Variants in PTDSS1 observed in about 807,000 individuals in gnomAD.
The protein encoded by PTDSS1 is PSS-1.
In PTDSS1, 45 loss-of-function variants were observed where a neutral mutation model predicts 70.5. That is an observed-to-expected ratio of 0.64 (90% CI 0.50 to 0.82). The LOEUF (loss-of-function observed/expected upper bound fraction) is 0.82. Ranked by LOEUF, PTDSS1 falls within the 40% of genes least tolerant of loss-of-function variation. The probability of loss-of-function intolerance (pLI) is 0.00; values close to 1 mark genes in which losing one functional copy is unlikely to be tolerated. For missense variants in PTDSS1, 417 were observed against 586.1 expected, an observed-to-expected ratio of 0.71 and a Z score of 2.98; for synonymous variants, 188 against 203.8, an observed-to-expected ratio of 0.92 and a Z score of 0.66.
intron 9 of PTDSS1, among the ~76,000 whole-genome samples, chr8:96,310,982 T>C (rs1811204042): frequency 6.6e-6 from 1 of 152,118 alleles, no homozygotes; most frequent in South Asian, 2.1e-4. Context: ...GCCAGGATGG[T>C]CTCGATTTCT....
chr8:96,291,042 C>A (rs1386677336), intron 4 of PTDSS1, among the ~76,000 whole-genome samples: 2 of 151,516 alleles, frequency 1.3e-5, no homozygotes, highest in Non-Finnish European at 2.9e-5. Context: ...TGATTCTATT[C>A]AAAAATATGT....
intron 6 of PTDSS1, 48 bp from the exon 7 acceptor site, chr8:96,303,992 C>T: frequency 3.2e-6 from 5 of 1,544,378 alleles, no homozygotes; most frequent in Admixed American, 4.1e-5. Context: ...CTTTGTTTTC[C>T]CCCTGCCTTA....
At chr8:96,295,397 A>T (rs1184276367) in intron 5 of PTDSS1, 141 bp downstream of exon 5, 4 of 896,142 alleles carry the variant, frequency 4.5e-6, no homozygotes, top group Non-Finnish European at 6.0e-6. Context: ...ATCCCATAAG[A>T]ATATTTAATA....
At chr8:96,326,335 C>A (rs932405679) in intron 10 of PTDSS1, among the ~76,000 whole-genome samples, 1 of 152,100 alleles carries the variant, frequency 6.6e-6, no homozygotes, top group Non-Finnish European at 1.5e-5. Context: ...TTGTACGTAA[C>A]TCTCAGTTCT....
intron 1 of PTDSS1, among the ~76,000 whole-genome samples, chr8:96,268,770 G>A (rs542577111): frequency 6.6e-6 from 1 of 152,196 alleles, no homozygotes; most frequent in South Asian, 2.1e-4. Flanking sequence ...AAACTTGATT[G>A]GGATTTTAGA....
chr8:96,278,272 GT>G (rs768796103), intron 2 of PTDSS1, among the ~76,000 whole-genome samples: 3 of 152,224 alleles, frequency 2.0e-5, no homozygotes, highest in Non-Finnish European at 2.9e-5. Context: ...GTTTAGAGGA[GT>G]AGGTGTTCAA....
intron 10 of PTDSS1, among the ~76,000 whole-genome samples, chr8:96,328,016 G>A (rs1294706969): frequency 1.3e-5 from 2 of 152,164 alleles, no homozygotes; most frequent in Non-Finnish European, 2.9e-5. Flanking sequence ...AGTAGATTTG[G>A]CAATCACAAC....
chr8:96,262,270 C>A lies in PTDSS1; in HGVS notation c.179+51C>A, dbSNP rs757216635. 5.0e-5 allele frequency: 14 copies of A among 280,062 alleles called. No homozygotes were observed. The highest frequency in any genetic ancestry group is 7.7e-5 in the South Asian group (2 of 26,136). 17.3% of individuals were successfully genotyped at this position (280,062 alleles called of 1,614,324 possible). On this transcript the variant is annotated intron_variant, in intron 1 of 12. Coordinates refer to ENST00000517309, the MANE Select transcript of PTDSS1 (RefSeq NM_014754.3). The surrounding 1 kb of genome is among the most constrained non-coding windows in gnomAD (Gnocchi z 4.4). ...GCGCGTCCAAGGGCTAGGGAAGAGG[C>A]GGGAGGGAGGGTGGCGGGGAGGGGG...
Position 96,262,259 on chromosome 8 carries a change from TA to T in PTDSS1, c.179+41del. The T allele has an allele frequency of 6.6e-7, 1 of 1,507,600 alleles. No individual in the cohort carries two copies. Among genetic ancestry groups the T allele is most frequent in the Non-Finnish European group, 9.0e-7 (1 of 1,110,674 alleles). The allele number at this position is 1,507,600 out of a possible 1,614,324, so 93.4% of individuals were successfully genotyped here. On this transcript the variant is annotated intron_variant, in intron 1 of 12. Coordinates refer to ENST00000517309, the MANE Select transcript of PTDSS1 (RefSeq NM_014754.3). This position sits in a 1 kb window ranked among gnomAD's most constrained non-coding sequence, Gnocchi z 4.4. The stretch of plus-strand genomic sequence containing the variant: ...CCGAGCGGGGGGCGCGTCCAAGGGC[TA>T]GGGAAGAGGCGGGAGGGAGGGTGGC...
Position 96,333,759 on chromosome 8 carries a change from G to C in PTDSS1, c.*193G>C. 1 of 715,728 alleles carries C rather than the reference G, an allele frequency of 1.4e-6. No homozygotes were observed. The highest frequency in any genetic ancestry group is 2.0e-5 in the Admixed American group (1 of 49,702). 44.3% of individuals were successfully genotyped at this position (715,728 alleles called of 1,614,324 possible). ...GGCCGCGTCAGGCAGATCATCGCCT[G>C]GGGGGCCTTTGCCAACGTGGGGTCT... On this transcript the variant is annotated 3_prime_UTR_variant, in exon 13 of 13. Coordinates refer to ENST00000517309, the MANE Select transcript of PTDSS1 (RefSeq NM_014754.3).
intron 10 of PTDSS1, among the ~76,000 whole-genome samples, chr8:96,324,089 G>A (rs1176967088): frequency 6.6e-6 from 1 of 152,162 alleles, no homozygotes; most frequent in Non-Finnish European, 1.5e-5. Flanking sequence ...TTGCTACTGT[G>A]TGACAAGGAT....
chr8:96,268,496 G>A (rs2129991660), intron 1 of PTDSS1, among the ~76,000 whole-genome samples: 1 of 152,262 alleles, frequency 6.6e-6, no homozygotes, highest in African/African-American at 2.4e-5. Context: ...AGAAAGACTT[G>A]TCTAAAAGAT....
chr8:96,331,574 CAAA>C (rs1286667823), intron 12 of PTDSS1, among the ~76,000 whole-genome samples: 1 of 122,742 alleles, frequency 8.1e-6, no homozygotes. Flanking sequence ...GACTCTGTCT[CAAA>C]AAAAAAAAAA....
intron 3 of PTDSS1, among the ~76,000 whole-genome samples, chr8:96,286,521 G>A (rs1288242448): frequency 2.0e-5 from 3 of 152,106 alleles, no homozygotes; most frequent in African/African-American, 7.2e-5. Flanking sequence ...CACTTAGTTG[G>A]CTTTTTAAAA....
Position 96,335,190 on chromosome 8 carries a change from G to A in PTDSS1, c.*1624G>A, listed in dbSNP as rs1394793176. 1 of 152,192 alleles carries A rather than the reference G, an allele frequency of 6.6e-6. No homozygotes were observed. Among genetic ancestry groups the A allele is most frequent in the Non-Finnish European group, 1.5e-5 (1 of 68,048 alleles). 9.4% of individuals were successfully genotyped at this position (152,192 alleles called of 1,614,324 possible). A position where few individuals can be genotyped will look rare whatever the true frequency, so the allele number is the denominator to read the frequency against. On this transcript the variant is annotated 3_prime_UTR_variant, in exon 13 of 13. Transcript: ENST00000517309. Reference sequence around the variant, plus strand: ...CAGCATCTGCCTGCTTCCCACAAAAGGATAGAAGAGAGGCAAAGTGCGTGT... The same window carrying A: ...CAGCATCTGCCTGCTTCCCACAAAAAGATAGAAGAGAGGCAAAGTGCGTGT...
In PTDSS1 at chr8:96,330,088, C is replaced by T. The variant is rs1385704901; in HGVS notation, c.1174-125C>T. ...AGGTCTGATCTCTGCCACGTCCAGC[C>T]GTTTTGTAACCGGCGTCCAGACGGC... On this transcript the variant is annotated intron_variant, in intron 10 of 12. Coordinates refer to ENST00000517309, the MANE Select transcript of PTDSS1 (RefSeq NM_014754.3). 4.5e-5 allele frequency: 39 copies of T among 866,280 alleles called. No homozygotes were observed. In the Middle Eastern group the frequency reaches 8.7e-4, roughly 19 times the overall value. The allele number at this position is 866,280 out of a possible 1,614,324, so 53.7% of individuals were successfully genotyped here. A position where few individuals can be genotyped will look rare whatever the true frequency, so the allele number is the denominator to read the frequency against.
chr8:96,279,099 T>C (rs1426445186), intron 2 of PTDSS1, among the ~76,000 whole-genome samples: 1 of 151,332 alleles, frequency 6.6e-6, no homozygotes, highest in African/African-American at 2.4e-5. Context: ...GCCTGCTGAG[T>C]AGCTGGGATT....
At chr8:96,312,034 T>C (rs907893262) in intron 9 of PTDSS1, among the ~76,000 whole-genome samples, 2 of 152,250 alleles carry the variant, frequency 1.3e-5, no homozygotes, top group Middle Eastern at 3.2e-3. Flanking sequence ...GGATTTTTTT[T>C]CCACAGAATT....
At chr8:96,301,572 T>G (rs1205096338) in intron 6 of PTDSS1, among the ~76,000 whole-genome samples, 2 of 152,148 alleles carry the variant, frequency 1.3e-5, no homozygotes, top group African/African-American at 4.8e-5. Flanking sequence ...CAGGCTGGAA[T>G]GCAATGGCAC....
Sources: allele counts gnomAD v4.1 joint callset (sites outside exome capture counted in the v4.1 genomes callset), GRCh38; gene constraint gnomAD v4.1.1; non-coding constraint Gnocchi (gnomAD v3.1); transcripts MANE v1.5; gene names NCBI Gene and HGNC (gene_info 2026-07-23, HGNC 2026-07-21).